Variants in SIK2 observed in about 807,000 individuals in gnomAD.
SIK2 encodes salt inducible kinase 2, also known as serine/threonine-protein kinase SIK2.
SIK2 carries 29 observed loss-of-function variants against 103.2 expected under a neutral mutation model. That is an observed-to-expected ratio of 0.28 (90% CI 0.21 to 0.38). SIK2 has a LOEUF of 0.38. SIK2 is among the 10% of genes least tolerant of loss of function. The probability of loss-of-function intolerance (pLI) is 1.00; values close to 1 mark genes in which losing one functional copy is unlikely to be tolerated. For missense variants in SIK2, 879 were observed against 1,171.0 expected, an observed-to-expected ratio of 0.75 and a Z score of 3.64; for synonymous variants, 412 against 446.1, an observed-to-expected ratio of 0.92 and a Z score of 0.96.
chr11:111,687,167 G>C lies in SIK2; in HGVS notation c.317-834G>C, dbSNP rs1942857097. Among the ~76,000 whole-genome samples the C allele has an allele frequency of 2.6e-5, 4 of 152,126 alleles. 1 individual carries two copies. The South Asian group carries it at 8.3e-4, about 31-fold the overall frequency. ...TACTGTGAATATTATGCTGCTTGCTGCTGACTGGTCTTGGGCTGTCACCAT... is the reference window on the plus strand; with the variant it reads ...TACTGTGAATATTATGCTGCTTGCTCCTGACTGGTCTTGGGCTGTCACCAT... On this transcript the variant is annotated intron_variant, in intron 3 of 14. Transcript: ENST00000304987.
In SIK2 at chr11:111,729,417, A is replaced by C. The variant is rs1944106710; in HGVS notation, c.*5288A>C. The C allele has an allele frequency of 1.3e-5, 2 of 152,282 alleles. No individual in the cohort carries two copies. Among genetic ancestry groups the C allele is most frequent in the African/African-American group, 4.8e-5 (2 of 41,476 alleles). 9.4% of individuals were successfully genotyped at this position (152,282 alleles called of 1,614,324 possible). A position where few individuals can be genotyped will look rare whatever the true frequency, so the allele number is the denominator to read the frequency against. On this transcript the variant is annotated 3_prime_UTR_variant, in exon 15 of 15. Coordinates refer to ENST00000304987, the MANE Select transcript of SIK2 (RefSeq NM_015191.3). ...AGTTTTACCAAGCACTTTCTCTTCT[A>C]ACCCTCACAACAATTCTATGAAATT...
intron 4 of SIK2, among the ~76,000 whole-genome samples, chr11:111,696,744 T>A (rs1049073443): frequency 2.6e-5 from 4 of 152,246 alleles, no homozygotes; most frequent in African/African-American, 7.2e-5. Context: ...CTTCTGTGTT[T>A]GTACAGTGGT....
At chr11:111,667,488 CTTTTTT>C (rs565449284) in intron 3 of SIK2, among the ~76,000 whole-genome samples, 2 of 105,372 alleles carry the variant, frequency 1.9e-5, no homozygotes, top group African/African-American at 6.4e-5. Context: ...TGTTGGTTAT[CTTTTTT>C]TTTTTTTTTT....
intron 3 of SIK2, among the ~76,000 whole-genome samples, chr11:111,676,228 G>C (rs941671442): frequency 6.6e-6 from 1 of 152,164 alleles, no homozygotes. Flanking sequence ...ATATACACAT[G>C]CATATGTCTT....
intron 3 of SIK2, among the ~76,000 whole-genome samples, chr11:111,677,478 C>T (rs1942718180): frequency 6.6e-6 from 1 of 151,908 alleles, no homozygotes; most frequent in South Asian, 2.1e-4. Flanking sequence ...AGTGCAGTGG[C>T]ATGGTCTCAG....
Position 111,690,169 on chromosome 11 carries a change from C to A in SIK2, c.478+2007C>A, listed in dbSNP as rs150813304. ...TCCATTTGGTGTCATTTATTTCACT[C>A]TTTTTTGCCAACCTTCTGTGAGGAA... On this transcript the variant is annotated intron_variant, in intron 4 of 14. Transcript: ENST00000304987. Among the ~76,000 whole-genome samples, 1,238 of 151,524 alleles carry A rather than the reference C, an allele frequency of 8.2e-3. 11 individuals carry two copies. The highest frequency in any genetic ancestry group is 0.014 in the Non-Finnish European group (944 of 67,864).
intron 2 of SIK2, among the ~76,000 whole-genome samples, chr11:111,619,917 G>A (rs1021978491): frequency 1.3e-5 from 2 of 152,158 alleles, no homozygotes; most frequent in Non-Finnish European, 1.5e-5. Flanking sequence ...AATCTACCAT[G>A]ATAACATAGG....
At chr11:111,712,070 A>C in intron 8 of SIK2, 141 bp from the exon 9 acceptor site, 2 of 873,962 alleles carry the variant, frequency 2.3e-6, no homozygotes, top group South Asian at 3.5e-5. Flanking sequence ...TATATATTTC[A>C]CTAAATCTTT....
At chr11:111,662,078 T>C (rs895969375) in intron 3 of SIK2, among the ~76,000 whole-genome samples, 3 of 152,236 alleles carry the variant, frequency 2.0e-5, no homozygotes, top group African/African-American at 7.2e-5. Context: ...CACTGGGAAC[T>C]GCTAAGGTCA....
At chr11:111,655,317 T>G (rs574197902) in intron 3 of SIK2, among the ~76,000 whole-genome samples, 1 of 152,210 alleles carries the variant, frequency 6.6e-6, no homozygotes, top group African/African-American at 2.4e-5. Flanking sequence ...GGCGAGAGAA[T>G]TGCTTGAAAC....
In SIK2 at chr11:111,602,611, G is replaced by C. The variant is rs975703665; in HGVS notation, c.48G>C (p.Arg16=). The part of the protein sequence containing the change: ...GPRHLQRGPV[R]VGFYDIEGTL... ...GGCACTTGCAGCGCGGGCCGGTCCG[G>C]GTGGGGTTCTACGACATCGAGGGCA... is the stretch of plus-strand genomic sequence containing the variant. The change falls in exon 1 of 15, where the codon CGG becomes CGC. Residue 16 remains arginine (R), a synonymous_variant. Coordinates refer to ENST00000304987, the MANE Select transcript of SIK2 (RefSeq NM_015191.3). This position sits in a 1 kb window ranked among gnomAD's most constrained non-coding sequence, Gnocchi z 4.5. 1 of 1,535,890 alleles carries C rather than the reference G, an allele frequency of 6.5e-7. No homozygotes were observed. The highest frequency in any genetic ancestry group is 8.8e-7 in the Non-Finnish European group (1 of 1,140,940).
intron 7 of SIK2, among the ~76,000 whole-genome samples, chr11:111,704,780 G>C (rs45614032): frequency 6.6e-6 from 1 of 152,090 alleles, no homozygotes; most frequent in Non-Finnish European, 1.5e-5. Context: ...CCATTTAAAG[G>C]GATCATCCTT....
chr11:111,721,792 G>A, intron 12 of SIK2, 38 bp from the exon 13 acceptor site: 2 of 1,529,756 alleles, frequency 1.3e-6, no homozygotes, highest in African/African-American at 1.4e-5. Flanking sequence ...TTTTCCCCAT[G>A]GGGAATTGAA....
At position 111,725,344 on chromosome 11, in the gene SIK2, A is replaced by G. The variant is rs191715926; in HGVS notation, c.*1215A>G. ...AATGAAATGTTCAAGTATTACAGCA[A>G]TATTCAAAGAAAGAACCACAGATGT... On this transcript the variant is annotated 3_prime_UTR_variant, in exon 15 of 15. Transcript: ENST00000304987. 29 of 152,774 alleles carry G rather than the reference A, an allele frequency of 1.9e-4. No homozygotes were observed. The highest frequency in any genetic ancestry group is 5.5e-4 in the African/African-American group (23 of 41,584). The allele number at this position is 152,774 out of a possible 1,614,324, so 9.5% of individuals were successfully genotyped here.
intron 3 of SIK2, among the ~76,000 whole-genome samples, chr11:111,627,224 A>G (rs971940226): frequency 6.6e-6 from 1 of 152,068 alleles, no homozygotes; most frequent in East Asian, 1.9e-4. Context: ...AAATGAGAAG[A>G]TTCCATCCAA....
chr11:111,613,443 C>T (rs1031630474), intron 1 of SIK2, among the ~76,000 whole-genome samples: 8 of 152,084 alleles, frequency 5.3e-5, no homozygotes, highest in African/African-American at 1.9e-4. Flanking sequence ...ATATGCATGT[C>T]CGTGAAACTT....
chr11:111,642,699 T>G (rs976664038), intron 3 of SIK2, among the ~76,000 whole-genome samples: 8 of 152,054 alleles, frequency 5.3e-5, no homozygotes, highest in Admixed American at 5.2e-4. Context: ...TTCCCAGAGG[T>G]GGAACTGAAG....
rs1239710393 is a variant in SIK2 at position 111,729,420 on chromosome 11, C to T, written c.*5291C>T. ...TTTACCAAGCACTTTCTCTTCTAAC[C>T]CTCACAACAATTCTATGAAATTAGC... On this transcript the variant is annotated 3_prime_UTR_variant, in exon 15 of 15. Transcript: ENST00000304987. The T allele has an allele frequency of 6.6e-6, 1 of 152,242 alleles. No homozygotes were observed. Among genetic ancestry groups the T allele is most frequent in the African/African-American group, 2.4e-5 (1 of 41,454 alleles). The allele number at this position is 152,242 out of a possible 1,614,324, so 9.4% of individuals were successfully genotyped here.
At chr11:111,692,877 T>C (rs1942980703) in intron 4 of SIK2, among the ~76,000 whole-genome samples, 1 of 152,106 alleles carries the variant, frequency 6.6e-6, no homozygotes, top group Admixed American at 6.5e-5. Context: ...AATGAACTGC[T>C]TTAGCCATCT....
Sources: gnomAD v4.1 joint callset for allele counts (sites outside exome capture counted in the v4.1 genomes callset) on GRCh38, gnomAD v4.1.1 for gene constraint, Gnocchi (gnomAD v3.1) non-coding constraint, MANE v1.5 for transcripts, NCBI Gene and HGNC (gene_info 2026-07-23, HGNC 2026-07-21) for gene names.